Variants in TENM1 observed in about 807,000 individuals in gnomAD.
The protein encoded by TENM1 is teneurin-1.
Under a neutral mutation model 174.8 loss-of-function variants are expected in TENM1, and 35 were observed. That is an observed-to-expected ratio of 0.20 (90% CI 0.15 to 0.27). The LOEUF is 0.27. Ranked by LOEUF, TENM1 falls within the 10% of genes least tolerant of loss-of-function variation. The probability of loss-of-function intolerance (pLI) is 1.00; values close to 1 mark genes in which losing one functional copy is unlikely to be tolerated. For synonymous variants in TENM1, 781 were observed against 798.7 expected (o/e 0.98, Z 0.37); for missense variants, 1,633 against 2,130.1 (o/e 0.77, Z 4.59).
intron 1 of TENM1, among the ~76,000 whole-genome samples, chrX:124,903,378 T>TA (rs1431417499): frequency 3.6e-5 from 4 of 111,130 alleles, no homozygotes; most frequent in African/African-American, 1.3e-4. Context: ...TACAATGAAT[T>TA]AAAAATCTGT....
intron 8 of TENM1, among the ~76,000 whole-genome samples, chrX:124,648,676 C>A (rs1036949545): frequency 1.8e-5 from 2 of 111,767 alleles, no homozygotes; most frequent in Admixed American, 1.9e-4. Flanking sequence ...TTCCTTGTAC[C>A]AAGCAGTAGT....
At chrX:124,648,400 T>C (rs2051214025) in intron 8 of TENM1, among the ~76,000 whole-genome samples, 1 of 112,206 alleles carries the variant, frequency 8.9e-6, no homozygotes, top group African/African-American at 3.2e-5. Context: ...CACATGCCTT[T>C]TGCGGGTTTA....
At chrX:125,138,249 A>ATTT in the TENM1 span, among the ~76,000 whole-genome samples, 1 of 104,935 alleles carries the variant, frequency 9.5e-6, no homozygotes, top group African/African-American at 3.5e-5. Context: ...GGCTCAAAAG[A>ATTT]TTTTTTTTTT....
At chrX:124,869,974 T>C (rs965223201) in intron 3 of TENM1, among the ~76,000 whole-genome samples, 1 of 110,674 alleles carries the variant, frequency 9.0e-6, no homozygotes, top group African/African-American at 3.3e-5. Flanking sequence ...AGCTTAAGAG[T>C]GTAATTGGAG....
chrX:124,977,615 C>T, the TENM1 span, among the ~76,000 whole-genome samples: 1 of 110,140 alleles, frequency 9.1e-6, no homozygotes, highest in Non-Finnish European at 1.9e-5. Flanking sequence ...AGTAAGCAGT[C>T]ATTCCCAATA....
chrX:124,708,016 C>T (rs536459061), intron 4 of TENM1, among the ~76,000 whole-genome samples: 27 of 112,165 alleles, frequency 2.4e-4, no homozygotes, highest in Non-Finnish European at 3.9e-4. Context: ...GCATATTCAT[C>T]ACCTTGACCA....
intron 20 of TENM1, 101 bp from the exon 24 acceptor site, chrX:124,487,330 C>T: frequency 1.3e-6 from 1 of 776,553 alleles, no homozygotes; most frequent in Non-Finnish European, 1.9e-6. Flanking sequence ...CAATTCCTAA[C>T]TCAGATTGCG....
At chrX:125,191,227 T>A in the TENM1 span, among the ~76,000 whole-genome samples, 15 of 109,430 alleles carry the variant, frequency 1.4e-4, no homozygotes, top group South Asian at 5.9e-3. Context: ...TGCAGCAAAC[T>A]GCCAAATCTA....
intron 3 of TENM1, among the ~76,000 whole-genome samples, chrX:124,825,346 G>A (rs1457027171): frequency 9.4e-6 from 1 of 105,822 alleles, no homozygotes; most frequent in African/African-American, 3.4e-5. Context: ...TATATATTTA[G>A]TAGAGACAGG....
chrX:124,704,971 TTTGA>T lies in TENM1; in HGVS notation c.1015+38_1015+41del, dbSNP rs762572253. The T allele has an allele frequency of 1.5e-5, 16 of 1,078,766 alleles. No individual in the cohort carries two copies. In the East Asian group the frequency reaches 4.3e-4, roughly 29 times the overall value. 88.9% of individuals were successfully genotyped at this position (1,078,766 alleles called of 1,213,427 possible). A position where few individuals can be genotyped will look rare whatever the true frequency, so the allele number is the denominator to read the frequency against. On this transcript the variant is annotated intron_variant, in intron 5 of 31. Transcript: ENST00000422452. ...ATTCCCACCACAAGCAAAACAAGAC[TTTGA>T]TTAAGAACAAAACTGAGGCATGACA...
intron 16 of TENM1, among the ~76,000 whole-genome samples, chrX:124,526,322 T>C (rs2047975400): frequency 8.9e-6 from 1 of 111,968 alleles, no homozygotes; most frequent in South Asian, 3.7e-4. Flanking sequence ...ATCCCCACAA[T>C]CTTATAAGCA....
chrX:124,737,166 G>A (rs761010198), exon 4 of TENM1: 5 of 1,208,812 alleles, frequency 4.1e-6, no homozygotes, highest in Non-Finnish European at 5.6e-6. Flanking sequence ...GGGGTCTGAA[G>A]GTGAACTGGT....
chrX:124,515,720 C>G (rs182498651), intron 18 of TENM1, among the ~76,000 whole-genome samples: 1 of 110,381 alleles, frequency 9.1e-6, no homozygotes, highest in East Asian at 2.8e-4. Flanking sequence ...GAAAAGCATT[C>G]CATGCTCATG....
intron 11 of TENM1, among the ~76,000 whole-genome samples, chrX:124,641,435 A>C (rs1020681608): frequency 3.1e-4 from 35 of 111,999 alleles, no homozygotes; most frequent in African/African-American, 1.1e-3. Context: ...CACCCAGTAG[A>C]AATATTTCGC....
At chrX:124,841,913 C>T (rs6649292) in intron 3 of TENM1, among the ~76,000 whole-genome samples, 51 of 112,153 alleles carry the variant, frequency 4.5e-4, no homozygotes, top group African/African-American at 1.5e-3. Flanking sequence ...GCATAATCAC[C>T]GTAGGTTGGC....
At chrX:124,716,544 G>A (rs2053186769) in intron 4 of TENM1, among the ~76,000 whole-genome samples, 1 of 111,956 alleles carries the variant, frequency 8.9e-6, no homozygotes, top group African/African-American at 3.3e-5. Flanking sequence ...GGCAGGAGAG[G>A]GCTCTCCCTA....
the TENM1 span, among the ~76,000 whole-genome samples, chrX:125,082,658 G>C: frequency 5.4e-5 from 6 of 111,340 alleles, no homozygotes; most frequent in Non-Finnish European, 1.1e-4. Context: ...CAGAGAGAAG[G>C]CCACTGACAA....
At chrX:124,841,977 C>T (rs757337191) in intron 3 of TENM1, among the ~76,000 whole-genome samples, 2 of 112,172 alleles carry the variant, frequency 1.8e-5, no homozygotes, top group African/African-American at 3.2e-5. Context: ...TGGTTGGCCT[C>T]TAGAAAGTCG....
At chrX:125,021,039 C>T in the TENM1 span, among the ~76,000 whole-genome samples, 1 of 110,796 alleles carries the variant, frequency 9.0e-6, no homozygotes, top group Non-Finnish European at 1.9e-5. Flanking sequence ...AATAAATTGC[C>T]AACATTTTCT....
Sources: allele counts gnomAD v4.1 joint callset (sites outside exome capture counted in the v4.1 genomes callset), GRCh38; gene constraint gnomAD v4.1.1; transcripts MANE v1.5; gene names NCBI Gene and HGNC (gene_info 2026-07-23, HGNC 2026-07-21).